Variants in RABGAP1L observed in about 807,000 individuals in gnomAD.
RABGAP1L encodes RAB GTPase activating protein 1 like.
A neutral mutation model predicts 137.7 loss-of-function variants in RABGAP1L; 63 were observed. The ratio of observed to expected loss-of-function variants is 0.46; its 90% CI spans 0.37 to 0.56. The LOEUF (loss-of-function observed/expected upper bound fraction) is 0.56. Ranked by LOEUF, RABGAP1L falls within the 20% of genes least tolerant of loss-of-function variation. The pLI, the probability that RABGAP1L is intolerant of heterozygous loss-of-function variation, is 0.00. For synonymous variants in RABGAP1L, 431 were observed against 433.7 expected (o/e 0.99, Z 0.08); for missense variants, 1,095 against 1,244.0 (o/e 0.88, Z 1.80).
At chr1:174,743,526 C>G (rs1683620014) in intron 17 of RABGAP1L, among the ~76,000 whole-genome samples, 2 of 152,094 alleles carry the variant, frequency 1.3e-5, no homozygotes, top group Non-Finnish European at 2.9e-5. Flanking sequence ...AAAGTTTTAT[C>G]TAATTCAGAT....
chr1:174,607,392 C>G (rs1207096758), intron 13 of RABGAP1L, among the ~76,000 whole-genome samples: 1 of 152,140 alleles, frequency 6.6e-6, no homozygotes, highest in Admixed American at 6.5e-5. Flanking sequence ...TACCTGCTCT[C>G]AGAGGGTAGG....
chr1:174,834,608 C>A (rs1692536337), intron 19 of RABGAP1L, among the ~76,000 whole-genome samples: 1 of 148,778 alleles, frequency 6.7e-6, no homozygotes, highest in South Asian at 2.2e-4. Flanking sequence ...TCCCCGCCCC[C>A]CCCGCCGCCC....
intron 7 of RABGAP1L, among the ~76,000 whole-genome samples, chr1:174,255,787 A>G (rs1204096414): frequency 1.3e-5 from 2 of 152,124 alleles, no homozygotes; most frequent in Non-Finnish European, 2.9e-5. Context: ...CAGCCTCCCA[A>G]AGTGCTGGGA....
chr1:174,252,647 C>T, intron 7 of RABGAP1L, 57 bp downstream of exon 7: 1 of 1,571,760 alleles, frequency 6.4e-7, no homozygotes, highest in Non-Finnish European at 8.6e-7. Flanking sequence ...GTTACTGTCT[C>T]AGATGCATTG....
intron 14 of RABGAP1L, among the ~76,000 whole-genome samples, chr1:174,664,735 T>C (rs1412496364): frequency 1.3e-5 from 1 of 76,196 alleles, no homozygotes; most frequent in Non-Finnish European, 2.6e-5. Context: ...TTCTGCTTTC[T>C]TTTTTTTTTT....
intron 19 of RABGAP1L, among the ~76,000 whole-genome samples, chr1:174,873,273 G>C (rs1230970115): frequency 6.6e-6 from 1 of 151,974 alleles, no homozygotes; most frequent in East Asian, 1.9e-4. Context: ...GTTTCACCAT[G>C]TTGGCCAGGC....
chr1:174,474,867 G>A (rs1396729442), intron 13 of RABGAP1L, among the ~76,000 whole-genome samples: 2 of 151,974 alleles, frequency 1.3e-5, no homozygotes, highest in Non-Finnish European at 1.5e-5. Context: ...TCCTAAAGTG[G>A]TGGGATTACA....
chr1:174,451,006 TAAA>T (rs1403048814), intron 13 of RABGAP1L, among the ~76,000 whole-genome samples: 7 of 152,158 alleles, frequency 4.6e-5, no homozygotes, highest in Non-Finnish European at 4.4e-5. Flanking sequence ...AGATTTAAAA[TAAA>T]GAATAAAATA....
At chr1:174,274,350 G>A (rs2148666138) in intron 8 of RABGAP1L, among the ~76,000 whole-genome samples, 1 of 152,112 alleles carries the variant, frequency 6.6e-6, no homozygotes, top group East Asian at 1.9e-4. Context: ...CATACTTTAA[G>A]GTCGTCCCGT....
At chr1:174,871,289 A>ACG (rs1384937407) in intron 19 of RABGAP1L, among the ~76,000 whole-genome samples, 7 of 152,010 alleles carry the variant, frequency 4.6e-5, no homozygotes, top group African/African-American at 1.7e-4. Flanking sequence ...ATATGCCACC[A>ACG]CGCCTAGATA....
At chr1:174,359,421 C>G (rs1430363461) in intron 11 of RABGAP1L, among the ~76,000 whole-genome samples, 1 of 152,180 alleles carries the variant, frequency 6.6e-6, no homozygotes, top group Admixed American at 6.5e-5. Flanking sequence ...AGATCTGGGT[C>G]ATACGCTTGA....
intron 7 of RABGAP1L, 120 bp from the exon 8 acceptor site, chr1:174,272,294 A>C (rs1674618846): frequency 9.7e-6 from 10 of 1,026,262 alleles, no homozygotes; most frequent in Non-Finnish European, 1.3e-5. Context: ...TAGAAAAAAA[A>C]CTAAAGCTTA....
chr1:174,838,254 G>A (rs1692963163), intron 19 of RABGAP1L, among the ~76,000 whole-genome samples: 1 of 152,200 alleles, frequency 6.6e-6, no homozygotes, highest in Admixed American at 6.5e-5. Context: ...GTTGATCATT[G>A]GAACTGAGGA....
chr1:174,331,664 CT>C (rs149765728), intron 11 of RABGAP1L, among the ~76,000 whole-genome samples: 6,928 of 152,012 alleles, frequency 0.046, 231 homozygotes, highest in Middle Eastern at 0.092. Flanking sequence ...GAAGAACTCT[CT>C]TTTTTTTCTT....
At chr1:174,237,809 C>T (rs893804896) in intron 4 of RABGAP1L, among the ~76,000 whole-genome samples, 4 of 149,006 alleles carry the variant, frequency 2.7e-5, no homozygotes, top group South Asian at 2.2e-4. Flanking sequence ...TGAATCTGAA[C>T]GTTGGCCTGC....
chr1:174,336,271 T>C (rs1036628048), intron 11 of RABGAP1L, among the ~76,000 whole-genome samples: 2 of 152,112 alleles, frequency 1.3e-5, no homozygotes, highest in African/African-American at 4.8e-5. Flanking sequence ...ACCACAGGCA[T>C]GTGCCACTAC....
intron 1 of RABGAP1L, among the ~76,000 whole-genome samples, chr1:174,176,713 G>GGAAAAAAAA (rs1232596038): frequency 1.4e-4 from 3 of 21,548 alleles, no homozygotes; most frequent in African/African-American, 4.3e-4. Context: ...CCCTTTTTCA[G>GGAAAAAAAA]AAAAAAAAAA....
intron 19 of RABGAP1L, among the ~76,000 whole-genome samples, chr1:174,856,596 C>T (rs767715072): frequency 6.6e-6 from 1 of 151,860 alleles, no homozygotes; most frequent in African/African-American, 2.4e-5. Context: ...ACTGGACATA[C>T]CTTTTACTTT....
chr1:174,920,649 G>A (rs1558233897), intron 19 of RABGAP1L, among the ~76,000 whole-genome samples: 2 of 152,124 alleles, frequency 1.3e-5, no homozygotes, highest in Admixed American at 6.5e-5. Flanking sequence ...TAGAGGTAGG[G>A]TCTTTAAAGT....
Sources: gnomAD v4.1 joint callset for allele counts (sites outside exome capture counted in the v4.1 genomes callset) on GRCh38, gnomAD v4.1.1 for gene constraint, MANE v1.5 for transcripts, NCBI Gene and HGNC (gene_info 2026-07-23, HGNC 2026-07-21) for gene names.